Variants in ARHGAP32 observed in about 807,000 individuals in gnomAD.
ARHGAP32 encodes Rho GTPase activating protein 32.
ARHGAP32 carries 51 observed loss-of-function variants against 186.5 expected under a neutral mutation model. That is an observed-to-expected ratio of 0.27 (90% CI 0.22 to 0.35). ARHGAP32 has a LOEUF of 0.35. Among genes scored for constraint, ARHGAP32 ranks in the 10% least tolerant of loss-of-function variants. The pLI is 1.00. For synonymous variants in ARHGAP32, 950 were observed against 964.3 expected, an observed-to-expected ratio of 0.99 and a Z score of 0.27; for missense variants, 2,186 against 2,623.5, an observed-to-expected ratio of 0.83 and a Z score of 3.64.
intron 1 of ARHGAP32, among the ~76,000 whole-genome samples, chr11:129,217,876 G>A (rs1036737579): frequency 6.6e-6 from 1 of 152,142 alleles, no homozygotes; most frequent in African/African-American, 2.4e-5. Context: ...CCCAAACGTG[G>A]TGATTACTGT....
rs141608229 is a variant in ARHGAP32, at chr11:129,223,828, T to C, written c.-5+55318A>G. Among the ~76,000 whole-genome samples, 447 of 152,316 alleles carry C rather than the reference T, an allele frequency of 2.9e-3. 7 individuals carry two copies. The highest frequency in any genetic ancestry group is 0.01 in the African/African-American group (429 of 41,588). On this transcript the variant is annotated intron_variant, in intron 1 of 6. Transcript: ENST00000525234. ...AAGCAATTAAGATGAATAATGTCTATGATACTCACCAGAAACAAAGTTTCA... is the reference window on the plus strand; with the variant it reads ...AAGCAATTAAGATGAATAATGTCTACGATACTCACCAGAAACAAAGTTTCA...
In ARHGAP32 at chr11:129,063,997, C is replaced by A. The variant is rs777286834; in HGVS notation, c.790G>T (p.Val264Phe). Residue 264 changes from valine to phenylalanine, a missense_variant, in exon 9 of 23, where the codon GTT (valine) becomes TTT (phenylalanine). Physicochemically the swap from Val to Phe is conservative, Grantham distance 50. Around this residue, in one of 5 missense-constraint regions of ARHGAP32, gnomAD observed 308 missense variants for 596.5 expected, o/e 0.52. Coordinates refer to ENST00000682385, the MANE Select transcript of ARHGAP32 (RefSeq NM_001378024.1). ...EIDNKGNHLL[V>F]HEESSINTPA... ...GTGTTGATGGATGACTCCTCATGAA[C>A]CAAAAGGTGATTTCCCTTATTATCA... is the stretch of plus-strand genomic sequence containing the variant. 1 of 1,610,970 alleles carries A rather than the reference C, an allele frequency of 6.2e-7. No homozygotes were observed. The highest frequency in any genetic ancestry group is 1.7e-4 in the Middle Eastern group (1 of 6,042).
intron 15 of ARHGAP32, 132 bp from the exon 16 acceptor site, chr11:128,982,068 T>G (rs1472945726): frequency 2.3e-5 from 12 of 526,772 alleles, no homozygotes; most frequent in Non-Finnish European, 3.6e-5. Flanking sequence ...CAAGAGAACT[T>G]TTTTTTCCTG....
intron 1 of ARHGAP32, among the ~76,000 whole-genome samples, chr11:129,219,071 C>T (rs1944681208): frequency 6.6e-6 from 1 of 152,196 alleles, no homozygotes; most frequent in Non-Finnish European, 1.5e-5. Context: ...CCTACATCAA[C>T]CAGCCATTGG....
rs150182665 is a variant in ARHGAP32, at chr11:129,031,393, C to A, written c.1045+9535G>T. ...AATCAGAGAGGCCAAATGTGTATACCCAGACAATAAAATGTGGCATAGGGA... is the reference window on the plus strand; with the variant it reads ...AATCAGAGAGGCCAAATGTGTATACACAGACAATAAAATGTGGCATAGGGA... On this transcript the variant is annotated intron_variant, in intron 11 of 22. Coordinates refer to ENST00000682385, the MANE Select transcript of ARHGAP32 (RefSeq NM_001378024.1). 5.4e-3 allele frequency among the ~76,000 whole-genome samples: 829 copies of A among 152,130 alleles called. 10 individuals carry two copies. Among genetic ancestry groups the A allele is most frequent in the African/African-American group, 0.019 (792 of 41,482 alleles).
At position 129,093,604 on chromosome 11, in the gene ARHGAP32, T is replaced by TACATTC. The variant is rs781299169; in HGVS notation, c.531+11_531+16dup. 3 of 1,564,920 alleles carry TACATTC rather than the reference T, an allele frequency of 1.9e-6. No individual in the cohort carries two copies. The highest frequency in any genetic ancestry group is 8.8e-7 in the Non-Finnish European group (1 of 1,142,638). On this transcript the variant is annotated intron_variant, in intron 6 of 22. Transcript: ENST00000682385. ...TCTTAACTTCATATGAAATGGAGAA[T>TACATTC]ACATTCACAAAATCACCTGACAAGC... is the stretch of plus-strand genomic sequence containing the variant.
At chr11:129,094,521 T>C (rs1941673827) in intron 5 of ARHGAP32, among the ~76,000 whole-genome samples, 1 of 152,034 alleles carries the variant, frequency 6.6e-6, no homozygotes, top group African/African-American at 2.4e-5. Context: ...AATCAGAAAA[T>C]TGGGAAGATT....
chr11:129,000,366 C>T (rs1279791974), intron 11 of ARHGAP32, among the ~76,000 whole-genome samples: 4 of 152,186 alleles, frequency 2.6e-5, no homozygotes, highest in African/African-American at 4.8e-5. Context: ...CAACATACAA[C>T]AATATCATGA....
chr11:128,993,222 T>A (rs1235560736), intron 12 of ARHGAP32: 2 of 152,146 alleles, frequency 1.3e-5, no homozygotes, highest in Non-Finnish European at 2.9e-5. Context: ...AAACAAAATT[T>A]AAAAAAAATT....
chr11:129,115,248 T>TAC (rs1942333723), intron 5 of ARHGAP32, among the ~76,000 whole-genome samples: 1 of 152,056 alleles, frequency 6.6e-6, no homozygotes, highest in African/African-American at 2.4e-5. Context: ...AACTACTGAG[T>TAC]TCAGGACGCC....
At chr11:129,011,974 T>TA (rs956558616) in intron 11 of ARHGAP32, among the ~76,000 whole-genome samples, 1 of 152,092 alleles carries the variant, frequency 6.6e-6, no homozygotes, top group Non-Finnish European at 1.5e-5. Context: ...TAGAAGCTAA[T>TA]AAAAATGGGT....
intron 11 of ARHGAP32, among the ~76,000 whole-genome samples, chr11:129,036,207 C>T (rs1402172292): frequency 4.0e-5 from 6 of 151,854 alleles, no homozygotes; most frequent in Non-Finnish European, 7.4e-5. Context: ...GGAGAAAACC[C>T]GTTTCTATGA....
At chr11:129,079,274 T>A (rs2135212504) in intron 6 of ARHGAP32, among the ~76,000 whole-genome samples, 1 of 152,230 alleles carries the variant, frequency 6.6e-6, no homozygotes, top group South Asian at 2.1e-4. Context: ...AGGAAATTCA[T>A]CGCAAAATGA....
intron 6 of ARHGAP32, among the ~76,000 whole-genome samples, chr11:129,081,870 A>C (rs552220470): frequency 6.6e-6 from 1 of 152,258 alleles, no homozygotes; most frequent in East Asian, 1.9e-4. Context: ...TCATCCAGAA[A>C]GCTCTTAGAT....
At chr11:128,993,960 T>A (rs747056269) in intron 12 of ARHGAP32, among the ~76,000 whole-genome samples, 2 of 152,146 alleles carry the variant, frequency 1.3e-5, no homozygotes, top group Non-Finnish European at 2.9e-5. Flanking sequence ...GATTTTATCA[T>A]AATTAGGGAA....
chr11:129,237,172 T>G (rs909881303), intron 1 of ARHGAP32, among the ~76,000 whole-genome samples: 1 of 152,230 alleles, frequency 6.6e-6, no homozygotes, highest in Non-Finnish European at 1.5e-5. Flanking sequence ...TTGAGGATTT[T>G]GGCATCAATG....
chr11:129,123,946 C>T lies in ARHGAP32; in HGVS notation c.318-17G>A, dbSNP rs1942595643. On this transcript the variant is annotated splice_polypyrimidine_tract_variant and intron_variant, in intron 3 of 22. Transcript: ENST00000682385. The surrounding 1 kb of genome is among the most constrained non-coding windows in gnomAD (Gnocchi z 4.6). ...GTGGTGGACCTGAACGCAGAATGAA[C>T]ATTTTTATCCTTGTCTTTCCTCTAC... The T allele has an allele frequency of 7.8e-7, 1 of 1,288,072 alleles. No individual in the cohort carries two copies. The highest frequency in any genetic ancestry group is 1.0e-6 in the Non-Finnish European group (1 of 988,110). 79.8% of individuals were successfully genotyped at this position (1,288,072 alleles called of 1,614,324 possible).
At chr11:129,259,515 C>T (rs1285508096) in intron 1 of ARHGAP32, among the ~76,000 whole-genome samples, 1 of 151,550 alleles carries the variant, frequency 6.6e-6, no homozygotes, top group East Asian at 1.9e-4. Flanking sequence ...TTCACTCATT[C>T]ATTTGACAAA....
At chr11:128,995,623 G>C (rs1033794953) in intron 12 of ARHGAP32, among the ~76,000 whole-genome samples, 2 of 152,240 alleles carry the variant, frequency 1.3e-5, no homozygotes, top group Admixed American at 1.3e-4. Context: ...TGGATTGCTT[G>C]AGTCCAGGAG....
Sources: allele counts gnomAD v4.1 joint callset (sites outside exome capture counted in the v4.1 genomes callset), GRCh38; gene constraint gnomAD v4.1.1; regional missense constraint gnomAD v4.1.1; non-coding constraint Gnocchi (gnomAD v3.1); transcripts MANE v1.5; gene names NCBI Gene and HGNC (gene_info 2026-07-23, HGNC 2026-07-21).